PAPOLA: variants seen among roughly 807,000 people sequenced by gnomAD.
The protein encoded by PAPOLA is poly(A) polymerase alpha.
A neutral mutation model predicts 100.6 loss-of-function variants in PAPOLA; 15 were observed. That is an observed-to-expected ratio of 0.15 (90% confidence interval 0.10 to 0.23). The LOEUF is 0.23. PAPOLA is among the 10% of genes least tolerant of loss of function. The pLI is 1.00. For synonymous variants in PAPOLA, 293 were observed against 300.0 expected, an observed-to-expected ratio of 0.98 and a Z score of 0.24; for missense variants, 533 against 884.2, an observed-to-expected ratio of 0.60 and a Z score of 5.04.
Position 96,525,243 on chromosome 14 carries a change from G to T in PAPOLA, c.250-67G>T. The T allele has an allele frequency of 3.9e-6, 3 of 761,386 alleles. No homozygotes were observed. In the South Asian group the frequency reaches 4.5e-5, roughly 11 times the overall value. 47.2% of individuals were successfully genotyped at this position (761,386 alleles called of 1,614,324 possible). On this transcript the variant is annotated intron_variant, in intron 3 of 21. Transcript: ENST00000216277. ...TTCTTGGATCCACTCCCTCACCCCAGTATAGTATCATTTGAATAGTTTCCC... is the reference window on the plus strand; with the variant it reads ...TTCTTGGATCCACTCCCTCACCCCATTATAGTATCATTTGAATAGTTTCCC...
chr14:96,529,850 A>G (rs1898839306), intron 6 of PAPOLA, among the ~76,000 whole-genome samples: 1 of 152,148 alleles, frequency 6.6e-6, no homozygotes, highest in Admixed American at 6.5e-5. Flanking sequence ...GTTTCTTTGC[A>G]CTCTCACCTT....
At chr14:96,535,624 T>G in intron 10 of PAPOLA, 1 of 1,084,372 alleles carries the variant, frequency 9.2e-7, no homozygotes. Context: ...ACTTTTTTGT[T>G]GTTGTTCAGC....
chr14:96,557,862 C>A (rs1162514659), intron 19 of PAPOLA, among the ~76,000 whole-genome samples: 1 of 151,588 alleles, frequency 6.6e-6, no homozygotes, highest in Non-Finnish European at 1.5e-5. Flanking sequence ...TTTAAATCCC[C>A]CAGATTACTT....
chr14:96,507,874 T>C (rs1297653364), intron 1 of PAPOLA, among the ~76,000 whole-genome samples: 1 of 152,084 alleles, frequency 6.6e-6, no homozygotes, highest in African/African-American at 2.4e-5. Context: ...TCTGGTGTTT[T>C]TTTGTTTTTC....
At chr14:96,524,660 A>G (rs1396309926) in intron 3 of PAPOLA, among the ~76,000 whole-genome samples, 1 of 152,136 alleles carries the variant, frequency 6.6e-6, no homozygotes, top group East Asian at 1.9e-4. Flanking sequence ...AGCTGGGACT[A>G]TATGTGCATG....
chr14:96,541,189 A>G (rs1419338983), intron 12 of PAPOLA, among the ~76,000 whole-genome samples: 1 of 152,186 alleles, frequency 6.6e-6, no homozygotes, highest in Non-Finnish European at 1.5e-5. Flanking sequence ...CACCCGGCTG[A>G]AACCATGTTT....
At chr14:96,539,349 A>G (rs1014054190) in intron 12 of PAPOLA, among the ~76,000 whole-genome samples, 9 of 152,112 alleles carry the variant, frequency 5.9e-5, no homozygotes, top group Non-Finnish European at 1.2e-4. Context: ...AATTGCAAAC[A>G]TTTTTGACTA....
At chr14:96,546,475 G>T (rs1278115591) in intron 15 of PAPOLA, among the ~76,000 whole-genome samples, 1 of 152,114 alleles carries the variant, frequency 6.6e-6, no homozygotes, top group Non-Finnish European at 1.5e-5. Flanking sequence ...ACTGTGGTTT[G>T]CAAGCCTCTG....
chr14:96,543,004 C>A, intron 14 of PAPOLA, 111 bp downstream of exon 14: 1 of 1,052,852 alleles, frequency 9.5e-7, no homozygotes, highest in Non-Finnish European at 1.4e-6. Context: ...CTACATATGG[C>A]TTATAGACAA....
chr14:96,531,993 A>G, intron 7 of PAPOLA: 1 of 1,237,692 alleles, frequency 8.1e-7, no homozygotes, highest in South Asian at 2.4e-5. Context: ...CTTGAAGAGC[A>G]GTTCTTGGAA....
intron 5 of PAPOLA, 118 bp downstream of exon 5, chr14:96,527,657 AAC>A: frequency 1.5e-6 from 1 of 651,438 alleles, no homozygotes; most frequent in South Asian, 1.8e-5. Flanking sequence ...AACCTTTCTA[AAC>A]ACTTGGCATA....
Position 96,556,284 on chromosome 14 carries a change from A to G in PAPOLA, c.1875A>G (p.Pro625=). 6.2e-7 allele frequency: 1 copy of G among 1,614,088 alleles called. No individual in the cohort carries two copies. The highest frequency in any genetic ancestry group is 1.7e-4 in the Middle Eastern group (1 of 6,060). Residue 625 remains proline (P), a synonymous_variant, in exon 19 of 22, where the codon CCA becomes CCG. Transcript: ENST00000216277. The part of the protein sequence containing the change: ...VVSSTRLVNP[P]PRSSGNAATS... ...CTTCAACACGTCTGGTAAACCCACC[A>G]CCTAGATCTTCAGGAAATGCAGCAA...
rs564922248 is a variant in PAPOLA at position 96,547,979 on chromosome 14, T to C, written c.1521+61T>C. 9 of 1,357,688 alleles carry C rather than the reference T, an allele frequency of 6.6e-6. No individual in the cohort carries two copies. In the South Asian group the frequency reaches 1.3e-4, roughly 19 times the overall value. The allele number at this position is 1,357,688 out of a possible 1,614,324, so 84.1% of individuals were successfully genotyped here. Reference sequence around the variant, plus strand: ...CATAATGTTTTATGCATCTGGACTATCATTATTTCAGAATTTAGGCTCAGT... The same window carrying C: ...CATAATGTTTTATGCATCTGGACTACCATTATTTCAGAATTTAGGCTCAGT... On this transcript the variant is annotated intron_variant, in intron 16 of 21. Coordinates refer to ENST00000216277, the MANE Select transcript of PAPOLA (RefSeq NM_032632.5).
intron 15 of PAPOLA, among the ~76,000 whole-genome samples, chr14:96,546,881 T>C (rs890066592): frequency 1.3e-5 from 2 of 152,154 alleles, no homozygotes; most frequent in African/African-American, 4.8e-5. Context: ...CATTTTCTGC[T>C]GCTTAGGGCA....
rs1902326868 is a variant in PAPOLA, at chr14:96,567,034, T to C, written c.*1984T>C. ...CTTTGTTTTATAGTATCTGTACTCC[T>C]TGTATTTTTCAAGAGCTATTTTGTA... On this transcript the variant is annotated 3_prime_UTR_variant, in exon 22 of 22. Transcript: ENST00000216277. The C allele has an allele frequency of 6.6e-6, 1 of 152,586 alleles. No individual in the cohort carries two copies. Among genetic ancestry groups the C allele is most frequent in the Non-Finnish European group, 1.5e-5 (1 of 67,996 alleles). 9.5% of individuals were successfully genotyped at this position (152,586 alleles called of 1,614,324 possible). A position where few individuals can be genotyped will look rare whatever the true frequency, so the allele number is the denominator to read the frequency against.
Position 96,537,260 on chromosome 14 carries a change from G to A in PAPOLA, c.1115+200G>A, listed in dbSNP as rs1433574292. On this transcript the variant is annotated intron_variant, in intron 12 of 21. Transcript: ENST00000216277. Reference sequence around the variant, plus strand: ...TGAAGCCCCTTTGATTTTTCTGCCCGATCTAACTGAACTCCTGCTACATTT... The same window carrying A: ...TGAAGCCCCTTTGATTTTTCTGCCCAATCTAACTGAACTCCTGCTACATTT... 17 of 549,258 alleles carry A rather than the reference G, an allele frequency of 3.1e-5. No individual in the cohort carries two copies. The East Asian group carries it at 4.2e-4, about 14-fold the overall frequency. The allele number at this position is 549,258 out of a possible 1,614,324, so 34.0% of individuals were successfully genotyped here. A position where few individuals can be genotyped will look rare whatever the true frequency, so the allele number is the denominator to read the frequency against.
At chr14:96,542,383 C>G in intron 13 of PAPOLA, 87 bp downstream of exon 13, 1 of 789,954 alleles carries the variant, frequency 1.3e-6, no homozygotes, top group East Asian at 2.5e-5. Flanking sequence ...GGGAGGAAGT[C>G]CTTAAAACTT....
intron 11 of PAPOLA, 147 bp downstream of exon 11, chr14:96,536,146 G>T: frequency 1.8e-6 from 1 of 544,562 alleles, no homozygotes. Context: ...ATATATTTGA[G>T]AACTGACTTC....
chr14:96,556,267 C>G lies in PAPOLA; in HGVS notation c.1858C>G (p.Arg620Gly), dbSNP rs755721143. 1 of 1,613,992 alleles carries G rather than the reference C, an allele frequency of 6.2e-7. No homozygotes were observed. Among genetic ancestry groups the G allele is most frequent in the East Asian group, 2.2e-5 (1 of 44,870 alleles). The change falls in exon 19 of 22, where the codon CGT becomes GGT. Residue 620 changes from arginine to glycine, a missense_variant. Physicochemically the swap from Arg to Gly is moderately radical, Grantham distance 125. Transcript: ENST00000216277. The stretch of plus-strand genomic sequence containing the variant: ...GGTCTCCAGAGTTGTTTCTTCAACA[C>G]GTCTGGTAAACCCACCACCTAGATC... ...PTVSRVVSST[R>G]LVNPPPRSSG... is the part of the protein sequence containing the mutation.
Sources: allele counts gnomAD v4.1 joint callset (sites outside exome capture counted in the v4.1 genomes callset), GRCh38; gene constraint gnomAD v4.1.1; transcripts MANE v1.5; gene names NCBI Gene and HGNC (gene_info 2026-07-23, HGNC 2026-07-21).